Variants in GALNT2 observed in about 807,000 individuals in gnomAD.
GALNT2 encodes polypeptide N-acetylgalactosaminyltransferase 2, also known as UDP-GalNAc:polypeptide N-acetylgalactosaminyltransferase 2.
GALNT2 carries 31 observed loss-of-function variants against 81.4 expected under a neutral mutation model. The ratio of observed to expected loss-of-function variants is 0.38; its 90% CI spans 0.29 to 0.51. GALNT2 has a LOEUF of 0.51. Among genes scored for constraint, GALNT2 ranks in the 20% least tolerant of loss-of-function variants. The pLI is 0.87. For missense variants in GALNT2, 629 were observed against 765.7 expected (o/e 0.82, Z 2.11); for synonymous variants, 303 against 287.4 (o/e 1.05, Z -0.55).
At chr1:230,096,133 G>C (rs1418986495) in intron 1 of GALNT2, among the ~76,000 whole-genome samples, 1 of 152,154 alleles carries the variant, frequency 6.6e-6, no homozygotes, top group Non-Finnish European at 1.5e-5. Context: ...AGGCTCACCT[G>C]GGGGCCCTTT....
intron 1 of GALNT2, among the ~76,000 whole-genome samples, chr1:230,068,365 T>C (rs1659268489): frequency 1.3e-5 from 2 of 152,242 alleles, no homozygotes; most frequent in South Asian, 4.1e-4. Context: ...GGCGTCGGGC[T>C]GTGTGCTGGA....
At chr1:230,141,514 G>C (rs1661732258) in intron 1 of GALNT2, among the ~76,000 whole-genome samples, 2 of 151,872 alleles carry the variant, frequency 1.3e-5, no homozygotes. Context: ...GACTCCTCTA[G>C]GTCCCTCATG....
Position 230,263,013 on chromosome 1 carries a change from C to T in GALNT2, c.1313+8C>T, listed in dbSNP as rs376871740. On this transcript the variant is annotated splice_region_variant and intron_variant, in intron 13 of 15. Coordinates refer to ENST00000366672, the MANE Select transcript of GALNT2 (RefSeq NM_004481.5). ...TGTCTATCCAGAGTTAAGGTAAGTC[C>T]CCAGGGATCTGGGGTTTCACTTTGT... 2.8e-5 allele frequency: 45 copies of T among 1,611,390 alleles called. No individual in the cohort carries two copies. The highest frequency in any genetic ancestry group is 3.7e-5 in the Non-Finnish European group (44 of 1,177,710).
At chr1:230,163,641 C>T (rs546377608) in intron 1 of GALNT2, among the ~76,000 whole-genome samples, 1 of 152,356 alleles carries the variant, frequency 6.6e-6, no homozygotes, top group African/African-American at 2.4e-5. Flanking sequence ...GCCTTCGAAG[C>T]CCGAGCTGCT....
intron 14 of GALNT2, among the ~76,000 whole-genome samples, chr1:230,270,925 T>G (rs1265082319): frequency 1.3e-5 from 2 of 152,250 alleles, no homozygotes; most frequent in Non-Finnish European, 2.9e-5. Context: ...CCCAGCTGAA[T>G]TAGTTTTTCT....
At chr1:230,120,828 T>A (rs1388231531) in intron 1 of GALNT2, among the ~76,000 whole-genome samples, 1 of 152,174 alleles carries the variant, frequency 6.6e-6, no homozygotes, top group Non-Finnish European at 1.5e-5. Context: ...CACAGCTGAA[T>A]CTCAGGCTAG....
chr1:230,203,438 C>T (rs777193788), intron 3 of GALNT2, 148 bp downstream of exon 3: 34 of 908,518 alleles, frequency 3.7e-5, no homozygotes, highest in Non-Finnish European at 5.2e-5. Context: ...AGGTATATGG[C>T]AATGGAACTT....
intron 3 of GALNT2, among the ~76,000 whole-genome samples, chr1:230,211,251 A>T (rs1052977555): frequency 6.6e-6 from 1 of 151,320 alleles, no homozygotes; most frequent in East Asian, 2.0e-4. Context: ...CCCAACTCCA[A>T]CTCTGTATGC....
intron 3 of GALNT2, among the ~76,000 whole-genome samples, chr1:230,228,578 G>A (rs1664782886): frequency 6.6e-6 from 1 of 151,998 alleles, no homozygotes; most frequent in Non-Finnish European, 1.5e-5. Flanking sequence ...AAGAGATTAT[G>A]GATCTCCTTC....
intron 1 of GALNT2, among the ~76,000 whole-genome samples, chr1:230,155,305 T>C (rs1662214400): frequency 1.3e-5 from 2 of 152,268 alleles, no homozygotes; most frequent in East Asian, 3.9e-4. Flanking sequence ...TGCCTAGGGC[T>C]CCCTGCAGGT....
intron 1 of GALNT2, among the ~76,000 whole-genome samples, chr1:230,142,838 A>G (rs1184778469): frequency 6.6e-6 from 1 of 152,134 alleles, no homozygotes; most frequent in Non-Finnish European, 1.5e-5. Flanking sequence ...ACACTTGCTT[A>G]TAAATTATCC....
rs533609572 is a variant in GALNT2 at position 230,067,922 on chromosome 1, T to C, written c.126+516T>C. ...GGTTCCGTGTTTCTGCCACCTTCTT[T>C]GCCCTTTACCTTTGGGGGGCAGGGG... On this transcript the variant is annotated intron_variant, in intron 1 of 15. Transcript: ENST00000366672. Among the ~76,000 whole-genome samples the C allele has an allele frequency of 2.2e-3, 342 of 152,266 alleles. 1 individual carries two copies. Among genetic ancestry groups the C allele is most frequent in the Non-Finnish European group, 4.1e-3 (278 of 67,998 alleles).
At chr1:230,278,457 G>GGGCTCCTCAGATTTCCTTCA (rs1666354090) in intron 15 of GALNT2, among the ~76,000 whole-genome samples, 1 of 152,070 alleles carries the variant, frequency 6.6e-6, no homozygotes, top group African/African-American at 2.4e-5. Flanking sequence ...TTGCTAAACA[G>GGGCTCCTCAGATTTCCTTCA]GGCTCCTCAG....
chr1:230,062,411 G>A (rs1462746269), upstream of GALNT2, among the ~76,000 whole-genome samples: 1 of 152,106 alleles, frequency 6.6e-6, no homozygotes, highest in African/African-American at 2.4e-5. Context: ...ACCATTTTAA[G>A]TGTATAATTC....
chr1:230,217,695 G>T (rs983081075), intron 3 of GALNT2, among the ~76,000 whole-genome samples: 3 of 152,182 alleles, frequency 2.0e-5, no homozygotes, highest in Non-Finnish European at 4.4e-5. Flanking sequence ...TCTGGTTTCT[G>T]CTTTCAAGAT....
chr1:230,272,997 C>T (rs1203225745), intron 14 of GALNT2, among the ~76,000 whole-genome samples: 1 of 152,110 alleles, frequency 6.6e-6, no homozygotes, highest in Non-Finnish European at 1.5e-5. Flanking sequence ...ATCTTGAACT[C>T]CTGGCATTAA....
intron 1 of GALNT2, among the ~76,000 whole-genome samples, chr1:230,163,952 C>G (rs917523943): frequency 1.3e-5 from 2 of 152,318 alleles, no homozygotes; most frequent in Admixed American, 1.3e-4. Flanking sequence ...AGCCTGGACT[C>G]TGGGCCAGTC....
chr1:230,092,897 T>C (rs542264129), intron 1 of GALNT2, among the ~76,000 whole-genome samples: 1 of 152,180 alleles, frequency 6.6e-6, no homozygotes, highest in South Asian at 2.1e-4. Context: ...GGATGGAGAA[T>C]TAAAGAATGA....
chr1:230,277,740 A>G (rs1015466647), intron 15 of GALNT2, among the ~76,000 whole-genome samples: 1 of 152,210 alleles, frequency 6.6e-6, no homozygotes, highest in Non-Finnish European at 1.5e-5. Flanking sequence ...CTCTGCCTGC[A>G]CCGGCTCCTC....
Sources: gnomAD v4.1 joint callset for allele counts (sites outside exome capture counted in the v4.1 genomes callset) on GRCh38, gnomAD v4.1.1 for gene constraint, MANE v1.5 for transcripts, NCBI Gene and HGNC (gene_info 2026-07-23, HGNC 2026-07-21) for gene names.